The following WWOX variants were observed in gnomAD, a reference collection of about 807,000 sequenced individuals.
WWOX encodes WW domain-containing oxidoreductase.
WWOX carries 69 observed loss-of-function variants against 46.2 expected under a neutral mutation model. That is an observed-to-expected ratio of 1.49 (90% CI 1.23 to 1.82). The LOEUF (loss-of-function observed/expected upper bound fraction) is 1.82. Ranked by LOEUF, WWOX falls within the 40% of genes most tolerant of loss-of-function variation. The probability of loss-of-function intolerance (pLI) is 0.00; values close to 1 mark genes in which losing one functional copy is unlikely to be tolerated. For missense variants in WWOX, 919 were observed against 542.6 expected (o/e 1.69, Z -6.89); for synonymous variants, 359 against 202.6 (o/e 1.77, Z -6.56).
At chr16:78,351,022 T>G (rs1054695203) in intron 5 of WWOX, among the ~76,000 whole-genome samples, 3 of 152,186 alleles carry the variant, frequency 2.0e-5, no homozygotes, top group Non-Finnish European at 4.4e-5. Context: ...GCATTGTGAT[T>G]TTGATTTGGA....
chr16:78,626,592 C>G (rs2046317260), intron 8 of WWOX, among the ~76,000 whole-genome samples: 1 of 152,138 alleles, frequency 6.6e-6, no homozygotes, highest in Admixed American at 6.5e-5. Flanking sequence ...TTCACCTGGT[C>G]AAGGTAGTGT....
intron 8 of WWOX, among the ~76,000 whole-genome samples, chr16:78,544,789 C>A (rs2043986132): frequency 6.6e-6 from 1 of 152,060 alleles, no homozygotes; most frequent in African/African-American, 2.4e-5. Flanking sequence ...GTAGGGGGAT[C>A]ACTTCAGCCC....
intron 8 of WWOX, among the ~76,000 whole-genome samples, chr16:78,487,759 G>A (rs2084675517): frequency 1.3e-5 from 2 of 152,046 alleles, no homozygotes; most frequent in South Asian, 4.2e-4. Context: ...GCCCCTGGTT[G>A]GAAACTAGTG....
chr16:78,114,352 G>C lies in WWOX; in HGVS notation c.231-624G>C, dbSNP rs553156267. 1.8e-4 allele frequency among the ~76,000 whole-genome samples: 27 copies of C among 152,168 alleles called. No individual in the cohort carries two copies. In the South Asian group the frequency reaches 5.6e-3, roughly 32 times the overall value. The stretch of plus-strand genomic sequence containing the variant: ...TGGGCTCAAGTGGTCCTCTTGCCTT[G>C]GCCTCCCAAATTGCCGAGATTACAG... On this transcript the variant is annotated intron_variant, in intron 3 of 8. Coordinates refer to ENST00000566780, the MANE Select transcript of WWOX (RefSeq NM_016373.4).
At chr16:78,546,381 C>T (rs572455337) in intron 8 of WWOX, among the ~76,000 whole-genome samples, 7 of 152,064 alleles carry the variant, frequency 4.6e-5, no homozygotes, top group Admixed American at 1.3e-4. Flanking sequence ...CAACAGGTTT[C>T]GGGACTTGAA....
At position 78,578,280 on chromosome 16, in the gene WWOX, A is replaced by ATTTT. The variant is rs1433554555; in HGVS notation, c.1056+145529_1056+145530insTTTT. On this transcript the variant is annotated intron_variant, in intron 8 of 8. Coordinates refer to ENST00000566780, the MANE Select transcript of WWOX (RefSeq NM_016373.4). ...TATATATATATATATATATATATAT[A>ATTTT]TATATTTTTTTTTTTTTTTTTTTTT... is the stretch of plus-strand genomic sequence containing the variant. Among the ~76,000 whole-genome samples, 263 of 35,358 alleles carry ATTTT rather than the reference A, an allele frequency of 7.4e-3. 5 individuals are homozygous for ATTTT. Among genetic ancestry groups the ATTTT allele is most frequent in the Non-Finnish European group, 9.3e-3 (188 of 20,162 alleles). The allele number at this position is 35,358 out of a possible 152,430, so 23.2% of individuals were successfully genotyped here. A position where few individuals can be genotyped will look rare whatever the true frequency, so the allele number is the denominator to read the frequency against.
chr16:79,102,675 G>C (rs963248254), intron 8 of WWOX, among the ~76,000 whole-genome samples: 2 of 151,964 alleles, frequency 1.3e-5, no homozygotes, highest in Admixed American at 1.3e-4. Context: ...GCATATAATA[G>C]CCACTGCATA....
chr16:78,846,484 G>A (rs988179936), intron 8 of WWOX, among the ~76,000 whole-genome samples: 1 of 151,952 alleles, frequency 6.6e-6, no homozygotes, highest in Non-Finnish European at 1.5e-5. Context: ...TTATTTTGTA[G>A]AATGCCCGTA....
rs1027458203 is a variant in WWOX, at chr16:78,753,077, C to T, written c.1056+320325C>T. On this transcript the variant is annotated intron_variant, in intron 8 of 8. Coordinates refer to ENST00000566780, the MANE Select transcript of WWOX (RefSeq NM_016373.4). The stretch of plus-strand genomic sequence containing the variant: ...TGGGAGGCCGAGGCGGGTGGATCAC[C>T]TGAGGTCAGGAGATGGAGACCATCC... 1.4e-4 allele frequency among the ~76,000 whole-genome samples: 21 copies of T among 151,884 alleles called. 1 individual carries two copies. The highest frequency in any genetic ancestry group is 1.0e-4 in the Non-Finnish European group (7 of 67,956).
intron 8 of WWOX, among the ~76,000 whole-genome samples, chr16:78,524,414 T>C (rs1299896658): frequency 6.6e-6 from 1 of 151,658 alleles, no homozygotes; most frequent in Non-Finnish European, 1.5e-5. Flanking sequence ...ATTTGTTTAT[T>C]TATTTATTTA....
intron 8 of WWOX, among the ~76,000 whole-genome samples, chr16:78,650,355 A>T (rs970728772): frequency 6.6e-6 from 1 of 152,180 alleles, no homozygotes; most frequent in Non-Finnish European, 1.5e-5. Flanking sequence ...TCTCTCTTAA[A>T]TTCCATAAGC....
Position 78,665,321 on chromosome 16 carries a change from A to G in WWOX, c.1056+232569A>G, listed in dbSNP as rs17641013. On this transcript the variant is annotated intron_variant, in intron 8 of 8. Transcript: ENST00000566780. ...AGTTATGCATGACACTGCCTTACCC[A>G]TTGTGGATTCAGTAGGGATATTCAT... 9.2e-3 allele frequency among the ~76,000 whole-genome samples: 1,405 copies of G among 152,256 alleles called. 8 individuals are homozygous for G. Among genetic ancestry groups the G allele is most frequent in the Non-Finnish European group, 0.017 (1,135 of 68,022 alleles).
intron 8 of WWOX, among the ~76,000 whole-genome samples, chr16:78,785,816 C>A (rs1264072108): frequency 6.6e-6 from 1 of 152,156 alleles, no homozygotes. Context: ...TTTTAAAATA[C>A]CAAAAAATAT....
chr16:78,971,059 A>C (rs891406892), intron 8 of WWOX, among the ~76,000 whole-genome samples: 1 of 152,016 alleles, frequency 6.6e-6, no homozygotes, highest in African/African-American at 2.4e-5. Flanking sequence ...CAGGGTGTAT[A>C]TATATATGTA....
At chr16:78,496,877 T>A (rs1283403328) in intron 8 of WWOX, among the ~76,000 whole-genome samples, 2 of 152,228 alleles carry the variant, frequency 1.3e-5, no homozygotes, top group Non-Finnish European at 1.5e-5. Flanking sequence ...AGGAGAGGAA[T>A]GAATGACTGT....
intron 8 of WWOX, among the ~76,000 whole-genome samples, chr16:79,005,734 C>T (rs1411929429): frequency 1.3e-5 from 2 of 152,176 alleles, no homozygotes; most frequent in Non-Finnish European, 2.9e-5. Flanking sequence ...CACATCTTAC[C>T]TAAGTCCATC....
intron 8 of WWOX, among the ~76,000 whole-genome samples, chr16:78,684,866 A>G (rs1447062367): frequency 6.6e-6 from 1 of 152,214 alleles, no homozygotes; most frequent in Non-Finnish European, 1.5e-5. Context: ...CTTGTAATTC[A>G]TCACTCCTTT....
At chr16:78,488,531 C>T (rs534203897) in intron 8 of WWOX, among the ~76,000 whole-genome samples, 4 of 152,178 alleles carry the variant, frequency 2.6e-5, no homozygotes, top group Admixed American at 6.5e-5. Context: ...GGCATCTGCA[C>T]ATGAGCAGAC....
chr16:78,660,437 A>G (rs1338463742), intron 8 of WWOX, among the ~76,000 whole-genome samples: 1 of 152,036 alleles, frequency 6.6e-6, no homozygotes, highest in African/African-American at 2.4e-5. Flanking sequence ...CACAGCTTTC[A>G]TTTTTCAGTT....
Sources: gnomAD v4.1 joint callset for allele counts (sites outside exome capture counted in the v4.1 genomes callset) on GRCh38, gnomAD v4.1.1 for gene constraint, MANE v1.5 for transcripts, NCBI Gene and HGNC (gene_info 2026-07-23, HGNC 2026-07-21) for gene names.